The following NEB variants were observed in gnomAD, a reference collection of about 807,000 sequenced individuals.
NEB encodes nemaline myopathy type 2.
Under a neutral mutation model 952.2 loss-of-function variants are expected in NEB, and 512 were observed. That is an observed-to-expected ratio of 0.54 (90% CI 0.50 to 0.58). The LOEUF (loss-of-function observed/expected upper bound fraction) is 0.58. Ranked by LOEUF, NEB falls within the 20% of genes least tolerant of loss-of-function variation. NEB has a pLI of 0.00. For missense variants in NEB, 8,428 were observed against 9,231.1 expected (o/e 0.91, Z 3.56); for synonymous variants, 2,900 against 3,149.8 (o/e 0.92, Z 2.66).
At chr2:151,674,661 G>A (rs1473018720) in intron 35 of NEB, 77 bp from the exon 36 acceptor site, 1 of 1,127,146 alleles carries the variant, frequency 8.9e-7, no homozygotes, top group African/African-American at 1.5e-5. Context: ...TTCTTTTCCA[G>A]ACAGAAGTTG....
In NEB at chr2:151,605,327, T is replaced by A; in HGVS notation, c.12748-456A>T. Among the ~76,000 whole-genome samples, 2 of 123,192 alleles carry A rather than the reference T, an allele frequency of 1.6e-5. 1 individual carries two copies. The allele number at this position is 123,192 out of a possible 152,430, so 80.8% of individuals were successfully genotyped here. On this transcript the variant is annotated intron_variant, in intron 84 of 181. Coordinates refer to ENST00000397345, the MANE Select transcript of NEB (RefSeq NM_001164508.2). Reference sequence around the variant, plus strand: ...GGGGAAAACAAGGCACAGGTGATAATCTCCATCACCAAGCTTCCCTGACAA... The same window carrying A: ...GGGGAAAACAAGGCACAGGTGATAAACTCCATCACCAAGCTTCCCTGACAA...
chr2:151,659,981 T>C (rs1460910041), intron 46 of NEB, among the ~76,000 whole-genome samples: 1 of 152,210 alleles, frequency 6.6e-6, no homozygotes, highest in African/African-American at 2.4e-5. Context: ...ATGATCCTTG[T>C]GGTGGACATG....
chr2:151,715,713 G>A (rs75170780), intron 10 of NEB, among the ~76,000 whole-genome samples: 1,915 of 152,284 alleles, frequency 0.013, 46 homozygotes, highest in African/African-American at 0.044. Context: ...GAAAATAAAC[G>A]TCTATTGTTT....
At chr2:151,706,581 G>A (rs1195299506) in intron 13 of NEB, among the ~76,000 whole-genome samples, 2 of 152,228 alleles carry the variant, frequency 1.3e-5, no homozygotes, top group Admixed American at 1.3e-4. Flanking sequence ...CTGCAATGTG[G>A]AGACCCAGGT....
chr2:151,575,862 G>T (rs2096809976), intron 106 of NEB, 63 bp from the exon 107 acceptor site: 15 of 1,147,842 alleles, frequency 1.3e-5, no homozygotes, highest in Non-Finnish European at 1.8e-5. Context: ...GTCCCACTAT[G>T]CAACTTTTAA....
chr2:151,525,110 T>C (rs1156720180), intron 151 of NEB, 53 bp downstream of exon 151: 2 of 1,233,810 alleles, frequency 1.6e-6, no homozygotes, highest in Non-Finnish European at 2.4e-6. Flanking sequence ...TGCACCAATC[T>C]GGGTTCCACT....
chr2:151,562,726 CT>C lies in NEB; in HGVS notation c.18775del (p.Arg6259GlyfsTer37). The C allele has an allele frequency of 1.2e-6, 2 of 1,605,210 alleles. No homozygotes were observed. Among genetic ancestry groups the C allele is most frequent in the Non-Finnish European group, 8.5e-7 (1 of 1,175,468 alleles). ...CAGGTCACTGAGGATGTACTGGCAC[CT>C]TTTAGCCAGCACGTGATTCATCATG... ...NDMMNHVLAK[R>X]CQYILSDLEY... On this transcript the variant is annotated frameshift_variant, in exon 120 of 182. Transcript: ENST00000397345. LOFTEE classifies it high-confidence loss of function.
intron 34 of NEB, among the ~76,000 whole-genome samples, chr2:151,676,580 C>G (rs973038346): frequency 2.6e-5 from 4 of 152,192 alleles, no homozygotes; most frequent in African/African-American, 9.7e-5. Flanking sequence ...AATCCTGAAC[C>G]TTTTGCTTTT....
chr2:151,601,439 TA>T (rs1211986225), intron 88 of NEB, among the ~76,000 whole-genome samples: 1 of 128,896 alleles, frequency 7.8e-6, no homozygotes, highest in Non-Finnish European at 1.6e-5. Context: ...AAACTTATTT[TA>T]AAATTTTATT....
chr2:151,525,138 A>G (rs1212467367), intron 151 of NEB, 25 bp downstream of exon 151: 2 of 1,532,378 alleles, frequency 1.3e-6, no homozygotes, highest in South Asian at 2.2e-5. Context: ...ATGGGCCCCC[A>G]AGAGTGTTGA....
intron 168 of NEB, among the ~76,000 whole-genome samples, chr2:151,500,464 T>G (rs1403031311): frequency 1.3e-5 from 2 of 151,918 alleles, no homozygotes; most frequent in Admixed American, 6.6e-5. Context: ...AGCAACAATA[T>G]TAATAAAAGA....
chr2:151,642,139 T>C (rs2098870413), intron 60 of NEB, among the ~76,000 whole-genome samples: 1 of 152,236 alleles, frequency 6.6e-6, no homozygotes, highest in Non-Finnish European at 1.5e-5. Context: ...CACCACCTGA[T>C]ATAGAAACAA....
chr2:151,732,371 A>G (rs2099811060), intron 3 of NEB, among the ~76,000 whole-genome samples: 3 of 152,224 alleles, frequency 2.0e-5, no homozygotes, highest in African/African-American at 7.2e-5. Flanking sequence ...TGTAAAATAA[A>G]TATAAAATAA....
intron 179 of NEB, among the ~76,000 whole-genome samples, chr2:151,490,772 T>C (rs1481837128): frequency 6.6e-6 from 1 of 152,174 alleles, no homozygotes; most frequent in African/African-American, 2.4e-5. Flanking sequence ...AAGAGTCTAT[T>C]TGTAACATCT....
intron 38 of NEB, among the ~76,000 whole-genome samples, chr2:151,669,884 A>G (rs1286931675): frequency 6.6e-6 from 1 of 152,212 alleles, no homozygotes; most frequent in Non-Finnish European, 1.5e-5. Flanking sequence ...CACACGAGCC[A>G]TACAGAAGCT....
In NEB at chr2:151,644,574, T is replaced by G; in HGVS notation, c.7538A>C (p.Lys2513Thr). ...AKANLINTSD[K>T]LYRMGYEELK... ...CTCCTCATAACCCATTCGGTAGAGTTTCTGTTAAGAAATGAAGATCATTTT... is the reference window on the plus strand; with the variant it reads ...CTCCTCATAACCCATTCGGTAGAGTGTCTGTTAAGAAATGAAGATCATTTT... The change falls in exon 56 of 182, where the codon AAA (lysine) becomes ACA (threonine). Residue 2513 changes from lysine to threonine, a missense_variant and splice_region_variant. Physicochemically the swap from Lys to Thr is moderately conservative, Grantham distance 78 (BLOSUM62 -1). This residue lies in a region of NEB where 1,772 missense variants were observed against 1,960.3 expected (regional missense o/e 0.90). Transcript: ENST00000397345. 6.2e-7 allele frequency: 1 copy of G among 1,610,792 alleles called. No individual in the cohort carries two copies. Among genetic ancestry groups the G allele is most frequent in the Non-Finnish European group, 8.5e-7 (1 of 1,177,016 alleles).
intron 94 of NEB, 147 bp from the exon 95 acceptor site, chr2:151,592,285 AT>A: frequency 8.7e-7 from 1 of 1,145,180 alleles, no homozygotes; most frequent in African/African-American, 1.6e-5. Context: ...TAAAACTAAC[AT>A]AAGTAAATTA....
intron 67 of NEB, among the ~76,000 whole-genome samples, chr2:151,630,469 T>A (rs11693227): frequency 7.9e-4 from 120 of 152,302 alleles, no homozygotes; most frequent in Non-Finnish European, 1.4e-3. Flanking sequence ...TCCTCTGAAG[T>A]GTCTAAAATA....
intron 71 of NEB, among the ~76,000 whole-genome samples, chr2:151,622,550 C>A (rs1215515849): frequency 1.3e-5 from 2 of 152,148 alleles, no homozygotes; most frequent in Non-Finnish European, 2.9e-5. Flanking sequence ...TATTTGCTTT[C>A]TCTAGCTCTC....
Sources: allele counts gnomAD v4.1 joint callset (sites outside exome capture counted in the v4.1 genomes callset), GRCh38; gene constraint gnomAD v4.1.1; regional missense constraint gnomAD v4.1.1; transcripts MANE v1.5; gene names NCBI Gene and HGNC (gene_info 2026-07-23, HGNC 2026-07-21).